The following PKLR variants were observed in gnomAD, a reference collection of about 807,000 sequenced individuals.
PKLR encodes the protein pyruvate kinase PKLR.
In PKLR, 38 loss-of-function variants were observed where a neutral mutation model predicts 53.6. The ratio of observed to expected loss-of-function variants is 0.71; its 90% confidence interval spans 0.55 to 0.93. The LOEUF (loss-of-function observed/expected upper bound fraction) is 0.93, where lower values mean the gene tolerates loss of function less well. PKLR is among the 40% of genes least tolerant of loss of function. The pLI is 0.00. For synonymous variants in PKLR, 328 were observed against 316.2 expected (o/e 1.04, Z -0.39); for missense variants, 702 against 787.3 (o/e 0.89, Z 1.30).
the PKLR span, chr1:155,308,633 C>G: frequency 1.0e-6 from 1 of 985,460 alleles, no homozygotes; most frequent in East Asian, 1.1e-4. Context: ...CGTTCCCAGC[C>G]TGGCTCGCTT....
Position 155,293,680 on chromosome 1 carries a change from G to T in PKLR, c.1117-90C>A. 1 of 1,347,648 alleles carries T rather than the reference G, an allele frequency of 7.4e-7. No individual in the cohort carries two copies. The highest frequency in any genetic ancestry group is 1.1e-6 in the Non-Finnish European group (1 of 947,504). The allele number at this position is 1,347,648 out of a possible 1,614,324, so 83.5% of individuals were successfully genotyped here. ...TACTTCTCTGACACCCACACTCTCA[G>T]AGTGTCCCAAAATCCAGGGTCACAG... On this transcript the variant is annotated intron_variant, in intron 7 of 10. Coordinates refer to ENST00000342741, the MANE Select transcript of PKLR (RefSeq NM_000298.6). This position sits in a 1 kb window ranked among gnomAD's most constrained non-coding sequence, Gnocchi z 4.2.
In PKLR at chr1:155,294,989, T is replaced by C. The variant is rs1647475621; in HGVS notation, c.694+127A>G. The stretch of plus-strand genomic sequence containing the variant: ...GCAGAGTCTACACGCTGGGGACTCC[T>C]GGGACGGGCTGGCAAAAACGCGTGG... On this transcript the variant is annotated intron_variant, in intron 5 of 10. Coordinates refer to ENST00000342741, the MANE Select transcript of PKLR (RefSeq NM_000298.6). 6 of 1,160,524 alleles carry C rather than the reference T, an allele frequency of 5.2e-6. No individual in the cohort carries two copies. In the Middle Eastern group the frequency reaches 8.2e-4, roughly 159 times the overall value. 71.9% of individuals were successfully genotyped at this position (1,160,524 alleles called of 1,614,324 possible). A position where few individuals can be genotyped will look rare whatever the true frequency, so the allele number is the denominator to read the frequency against.
At position 155,295,118 on chromosome 1, in the gene PKLR, A is replaced by G. The variant is rs1647484906; in HGVS notation, c.692T>C (p.Ile231Thr). 3.7e-6 allele frequency: 6 copies of G among 1,613,752 alleles called. No individual in the cohort carries two copies. The South Asian group carries it at 5.5e-5, about 15-fold the overall frequency. ...CAGGGCGGGAGGCGCGTCCGCACCG[A>G]TTTTCTGGACCACTAGGGAGATGAG... is the stretch of plus-strand genomic sequence containing the variant. ...DGLISLVVQK[I>T]GPEGLVTQVE... Residue 231 changes from isoleucine to threonine, a missense_variant and splice_region_variant, in exon 5 of 11, where the codon ATC (isoleucine) becomes ACC (threonine). By Grantham distance (89) the Ile-to-Thr change is moderately conservative. This residue lies in a region of PKLR where 519 missense variants were observed against 537.1 expected (regional missense o/e 0.97). Transcript: ENST00000342741. This position sits in a 1 kb window ranked among gnomAD's most constrained non-coding sequence, Gnocchi z 4.3.
At chr1:155,306,613 G>A in the PKLR span, among the ~76,000 whole-genome samples, 1 of 151,900 alleles carries the variant, frequency 6.6e-6, no homozygotes, top group Admixed American at 6.6e-5. The surrounding 1 kb of genome is among the most constrained non-coding windows in gnomAD (Gnocchi z 4.2). Context: ...ATACACACAC[G>A]TAAACATACA....
rs1647338952 is a variant in PKLR, at chr1:155,293,346, G to A, written c.1270-3C>T. 1 of 1,614,126 alleles carries A rather than the reference G, an allele frequency of 6.2e-7. No homozygotes were observed. Among genetic ancestry groups the A allele is most frequent in the South Asian group, 1.1e-5 (1 of 91,096 alleles). ...GCGGCCTCTGCCTCCCGGGCAATCTGCAGGTGCCAGAATGTTAGTCTGGGA... is the reference window on the plus strand; with the variant it reads ...GCGGCCTCTGCCTCCCGGGCAATCTACAGGTGCCAGAATGTTAGTCTGGGA... On this transcript the variant is annotated splice_polypyrimidine_tract_variant and splice_region_variant and intron_variant, in intron 8 of 10. Transcript: ENST00000342741. The surrounding 1 kb of genome is among the most constrained non-coding windows in gnomAD (Gnocchi z 4.2).
At chr1:155,292,009 C>A in intron 9 of PKLR, 72 bp from the exon 10 acceptor site, 1 of 1,444,866 alleles carries the variant, frequency 6.9e-7, no homozygotes, top group Non-Finnish European at 9.7e-7. Context: ...ATCTTTGTTC[C>A]AGTTCCAGGT....
Position 155,294,342 on chromosome 1 carries a change from G to GT in PKLR, c.1008dup (p.Arg337ThrfsTer64), listed in dbSNP as rs1557958826. ...GGGATCTCGATGCCTAGGTCCCCCC[G>GT]TGCCACCATGATGCCGTCGCTCACC... On this transcript the variant is annotated frameshift_variant, in exon 7 of 11. Coordinates refer to ENST00000342741, the MANE Select transcript of PKLR (RefSeq NM_000298.6). LOFTEE classifies it high-confidence loss of function. 1 of 1,614,038 alleles carries GT rather than the reference G, an allele frequency of 6.2e-7. No homozygotes were observed. The highest frequency in any genetic ancestry group is 8.5e-7 in the Non-Finnish European group (1 of 1,179,982).
chr1:155,290,633 A>G lies in PKLR; in HGVS notation c.1664T>C (p.Val555Ala). Reference protein sequence around the residue: ...FLRVGDLVIVVTGWRPGSGYT... With the variant: ...FLRVGDLVIVATGWRPGSGYT... ...GCCGGAGCCAGGTCGCCAGCCTGTC[A>G]CCACAATCACCAGGTCTCCAACACG... The change falls in exon 11 of 11, where the codon GTG (valine) becomes GCG (alanine). Residue 555 changes from valine to alanine, a missense_variant. This residue lies in a region of PKLR where 183 missense variants were observed against 250.2 expected (regional missense o/e 0.73). Transcript: ENST00000342741. 3 of 1,613,642 alleles carry G rather than the reference A, an allele frequency of 1.9e-6. No individual in the cohort carries two copies. Among genetic ancestry groups the G allele is most frequent in the Non-Finnish European group, 2.5e-6 (3 of 1,179,696 alleles).
At chr1:155,303,348 C>G (rs1437283378), upstream of PKLR, among the ~76,000 whole-genome samples, 1 of 152,202 alleles carries the variant, frequency 6.6e-6, no homozygotes. Flanking sequence ...ATAGCATCAT[C>G]ATCATCATAG....
At position 155,293,121 on chromosome 1, in the gene PKLR, T is replaced by G; in HGVS notation, c.1436+56A>C. ...AGACTAAACCCAAGCCTGGGGCCCG[T>G]CCCAGCCCACCCCTGACCCAAAGCT... On this transcript the variant is annotated intron_variant, in intron 9 of 10. Coordinates refer to ENST00000342741, the MANE Select transcript of PKLR (RefSeq NM_000298.6). This position sits in a 1 kb window ranked among gnomAD's most constrained non-coding sequence, Gnocchi z 4.2. 1 of 1,542,326 alleles carries G rather than the reference T, an allele frequency of 6.5e-7. No homozygotes were observed. The highest frequency in any genetic ancestry group is 9.0e-7 in the Non-Finnish European group (1 of 1,115,284).
chr1:155,307,397 A>G, the PKLR span, among the ~76,000 whole-genome samples: 2 of 152,366 alleles, frequency 1.3e-5, no homozygotes, highest in African/African-American at 4.8e-5. Context: ...GGGTAGAATA[A>G]GGCTGAGACC....
In PKLR at chr1:155,293,715, CTGA is replaced by C; in HGVS notation, c.1117-128_1117-126del. Reference sequence around the variant, plus strand: ...AAATCCAGGGTCACAGTCACAACCCCTGAAAATAGGAGTCAAAGTATATTTAAC... The same window carrying C: ...AAATCCAGGGTCACAGTCACAACCCCAAATAGGAGTCAAAGTATATTTAAC... On this transcript the variant is annotated intron_variant, in intron 7 of 10. Coordinates refer to ENST00000342741, the MANE Select transcript of PKLR (RefSeq NM_000298.6). This position sits in a 1 kb window ranked among gnomAD's most constrained non-coding sequence, Gnocchi z 4.2. 2 of 915,924 alleles carry C rather than the reference CTGA, an allele frequency of 2.2e-6. No homozygotes were observed. The highest frequency in any genetic ancestry group is 4.0e-5 in the Admixed American group (2 of 50,554). The allele number at this position is 915,924 out of a possible 1,614,324, so 56.7% of individuals were successfully genotyped here. A position where few individuals can be genotyped will look rare whatever the true frequency, so the allele number is the denominator to read the frequency against.
chr1:155,293,320 T>C lies in PKLR; in HGVS notation c.1293A>G (p.Ala431=), dbSNP rs1647336528. The change falls in exon 9 of 11, where the codon GCA becomes GCG. Residue 431 remains alanine (A), a synonymous_variant. Transcript: ENST00000342741. This position sits in a 1 kb window ranked among gnomAD's most constrained non-coding sequence, Gnocchi z 4.2. ...QHAIAREAEA[A]VYHRQLFEEL... ...CCTCAAACAGCTGCCGGTGGTACACTGCGGCCTCTGCCTCCCGGGCAATCT... is the reference window on the plus strand; with the variant it reads ...CCTCAAACAGCTGCCGGTGGTACACCGCGGCCTCTGCCTCCCGGGCAATCT... 1 of 1,614,224 alleles carries C rather than the reference T, an allele frequency of 6.2e-7. No homozygotes were observed. Among genetic ancestry groups the C allele is most frequent in the Non-Finnish European group, 8.5e-7 (1 of 1,180,040 alleles).
At chr1:155,297,770 T>C (rs1178212957) in intron 2 of PKLR, among the ~76,000 whole-genome samples, 1 of 152,126 alleles carries the variant, frequency 6.6e-6, no homozygotes, top group East Asian at 1.9e-4. Flanking sequence ...TCTCTTCATG[T>C]CTGCCGCTCT....
chr1:155,306,357 C>G (rs553788145), upstream of PKLR, among the ~76,000 whole-genome samples: 1 of 152,246 alleles, frequency 6.6e-6, no homozygotes, highest in East Asian at 1.9e-4. This position sits in a 1 kb window ranked among gnomAD's most constrained non-coding sequence, Gnocchi z 4.2. Flanking sequence ...ATGGACTGAA[C>G]CCCCATATGG....
chr1:155,294,363 T>C lies in PKLR; in HGVS notation c.988A>G (p.Ser330Gly). 1.2e-6 allele frequency: 2 copies of C among 1,614,054 alleles called. No homozygotes were observed. The highest frequency in any genetic ancestry group is 1.7e-6 in the Non-Finnish European group (2 of 1,179,998). Residue 330 changes from serine (S) to glycine (G), a missense_variant, in exon 7 of 11, where the codon AGC (serine) becomes GGC (glycine). Ser to Gly is a moderately conservative substitution (Grantham distance 56, BLOSUM62 0). This residue lies in a region of PKLR where 519 missense variants were observed against 537.1 expected (regional missense o/e 0.97). Transcript: ENST00000342741. ...VKRFDEILEV[S>G]DGIMVARGDL... ...CCCCGTGCCACCATGATGCCGTCGC[T>C]CACCTCCAGGATTTCATCAAACCTG...
rs533316562 is a variant in PKLR at position 155,294,255 on chromosome 1, G to C, written c.1096C>G (p.Pro366Ala). Reference sequence around the variant, plus strand: ...CAGACCTGTGTGGCACAGACAACAGGCTTGCCCGCCAAGTTGCAGCGCCCA... The same window carrying C: ...CAGACCTGTGTGGCACAGACAACAGCCTTGCCCGCCAAGTTGCAGCGCCCA... ...MIGRCNLAGKPVVCATQMLES... is the reference protein window; with the variant it reads ...MIGRCNLAGKAVVCATQMLES... Residue 366 changes from proline (P) to alanine (A), a missense_variant, in exon 7 of 11, where the codon CCT (proline) becomes GCT (alanine). Physicochemically the swap from Pro to Ala is conservative, Grantham distance 27 (BLOSUM62 -1). Transcript: ENST00000342741. 5.0e-6 allele frequency: 8 copies of C among 1,614,152 alleles called. No homozygotes were observed. The South Asian group carries it at 6.6e-5, about 13-fold the overall frequency.
In PKLR at chr1:155,293,119, C is replaced by CCT; in HGVS notation, c.1436+57_1436+58insAG. The CCT allele has an allele frequency of 1.2e-5, 18 of 1,549,094 alleles. No individual in the cohort carries two copies. The highest frequency in any genetic ancestry group is 1.2e-5 in the Non-Finnish European group (14 of 1,120,810). On this transcript the variant is annotated intron_variant, in intron 9 of 10. Transcript: ENST00000342741. This position sits in a 1 kb window ranked among gnomAD's most constrained non-coding sequence, Gnocchi z 4.2. ...CCAGACTAAACCCAAGCCTGGGGCC[C>CCT]GTCCCAGCCCACCCCTGACCCAAAG... is the stretch of plus-strand genomic sequence containing the variant.
rs761831271 is a variant in PKLR, at chr1:155,293,200, G to T, written c.1413C>A (p.Ile471=). The part of the protein sequence containing the change: ...EAAFKCCAAA[I]IVLTTTGRSA... ...ACCGGCCAGTTGTGGTCAGCACAATGATGGCAGCAGCACAGCACTTGAAGG... is the reference window on the plus strand; with the variant it reads ...ACCGGCCAGTTGTGGTCAGCACAATTATGGCAGCAGCACAGCACTTGAAGG... The change falls in exon 9 of 11, where the codon ATC becomes ATA. Residue 471 remains isoleucine, a synonymous_variant. Transcript: ENST00000342741. This position sits in a 1 kb window ranked among gnomAD's most constrained non-coding sequence, Gnocchi z 4.2. The T allele has an allele frequency of 2.5e-6, 4 of 1,613,886 alleles. No homozygotes were observed. The Admixed American group carries it at 6.7e-5, about 27-fold the overall frequency.
Sources: gnomAD v4.1 joint callset for allele counts (sites outside exome capture counted in the v4.1 genomes callset) on GRCh38, gnomAD v4.1.1 for gene constraint, gnomAD v4.1.1 regional missense constraint, Gnocchi (gnomAD v3.1) non-coding constraint, MANE v1.5 for transcripts, NCBI Gene and HGNC (gene_info 2026-07-23, HGNC 2026-07-21) for gene names.